The following SGCZ variants were observed in gnomAD, a reference collection of about 807,000 sequenced individuals.
SGCZ encodes zeta-sarcoglycan.
SGCZ carries 40 observed loss-of-function variants against 41.3 expected under a neutral mutation model. The ratio of observed to expected loss-of-function variants is 0.97; its 90% CI spans 0.75 to 1.26. SGCZ has a LOEUF of 1.26. SGCZ is among the 50% of genes most tolerant of loss of function. The probability of loss-of-function intolerance (pLI) is 0.00; values close to 1 mark genes in which losing one functional copy is unlikely to be tolerated. For synonymous variants in SGCZ, 206 were observed against 137.5 expected (o/e 1.50, Z -3.49); for missense variants, 552 against 369.8 (o/e 1.49, Z -4.04).
chr8:14,238,004 T>C (rs1806830282), intron 3 of SGCZ, among the ~76,000 whole-genome samples: 1 of 152,222 alleles, frequency 6.6e-6, no homozygotes, highest in Non-Finnish European at 1.5e-5. Flanking sequence ...CCTGTGCAGA[T>C]ATTCCAGACG....
chr8:14,825,512 G>C (rs957520723), intron 1 of SGCZ, among the ~76,000 whole-genome samples: 1 of 152,088 alleles, frequency 6.6e-6, no homozygotes, highest in Non-Finnish European at 1.5e-5. Context: ...AAATAATTGT[G>C]ACTTTAAATT....
At chr8:14,413,037 G>T (rs1008988091) in intron 2 of SGCZ, among the ~76,000 whole-genome samples, 13 of 151,812 alleles carry the variant, frequency 8.6e-5, no homozygotes, top group African/African-American at 2.9e-4. Context: ...AAAATTTTAA[G>T]ACAAAAATTT....
chr8:15,097,824 A>C (rs149182320), intron 1 of SGCZ, among the ~76,000 whole-genome samples: 1 of 78,446 alleles, frequency 1.3e-5, no homozygotes, highest in Non-Finnish European at 2.5e-5. Flanking sequence ...ACGTGTGTGT[A>C]TATATATATA....
At chr8:14,183,958 G>C (rs543187585) in intron 4 of SGCZ, among the ~76,000 whole-genome samples, 14 of 152,226 alleles carry the variant, frequency 9.2e-5, no homozygotes, top group Admixed American at 8.5e-4. Context: ...AATACTTATA[G>C]TTAAGAAGTG....
At chr8:14,264,593 A>G (rs1799808473) in intron 3 of SGCZ, among the ~76,000 whole-genome samples, 1 of 152,028 alleles carries the variant, frequency 6.6e-6, no homozygotes, top group Non-Finnish European at 1.5e-5. Flanking sequence ...TCTGGCGATG[A>G]TACAGAGGCA....
intron 1 of SGCZ, among the ~76,000 whole-genome samples, chr8:14,817,646 AC>A (rs1316118016): frequency 6.6e-6 from 1 of 152,180 alleles, no homozygotes; most frequent in African/African-American, 2.4e-5. Flanking sequence ...AGATGGAATT[AC>A]CAAGATCTCA....
chr8:14,721,087 T>C (rs1430020931), intron 1 of SGCZ, among the ~76,000 whole-genome samples: 1 of 152,178 alleles, frequency 6.6e-6, no homozygotes, highest in Admixed American at 6.5e-5. Flanking sequence ...TTCTTTGCAC[T>C]TCTGGGACTG....
At position 14,929,093 on chromosome 8, in the gene SGCZ, G is replaced by C. The variant is rs563580456; in HGVS notation, c.39+308492C>G. On this transcript the variant is annotated intron_variant, in intron 1 of 7. Transcript: ENST00000382080. The stretch of plus-strand genomic sequence containing the variant: ...TGCGACCTCCACCTCCCGGGTTCAA[G>C]TGATTCTCCTGCCTCAGCCTCCTGA... Among the ~76,000 whole-genome samples the C allele has an allele frequency of 8.5e-5, 13 of 152,240 alleles. 1 individual carries two copies. The highest frequency in any genetic ancestry group is 5.9e-4 in the Admixed American group (9 of 15,286).
chr8:14,622,523 G>C (rs1324069955), intron 1 of SGCZ, among the ~76,000 whole-genome samples: 2 of 152,096 alleles, frequency 1.3e-5, no homozygotes, highest in African/African-American at 4.8e-5. Context: ...ACAAGAACTA[G>C]ATGTCACCTG....
At chr8:14,433,153 G>C (rs1198260502) in intron 2 of SGCZ, among the ~76,000 whole-genome samples, 17 of 152,168 alleles carry the variant, frequency 1.1e-4, no homozygotes, top group Non-Finnish European at 2.2e-4. Context: ...ATTACAATTA[G>C]TATGCAACAA....
At chr8:15,098,833 C>T (rs529208066) in intron 1 of SGCZ, among the ~76,000 whole-genome samples, 1 of 152,216 alleles carries the variant, frequency 6.6e-6, no homozygotes, top group South Asian at 2.1e-4. Context: ...CCGATGAGGG[C>T]GGATCACCTG....
chr8:14,971,923 T>C (rs1280157641), intron 1 of SGCZ, among the ~76,000 whole-genome samples: 1 of 152,094 alleles, frequency 6.6e-6, no homozygotes, highest in East Asian at 1.9e-4. Context: ...TTTATATACT[T>C]TTGCATGCTA....
intron 5 of SGCZ, among the ~76,000 whole-genome samples, chr8:14,144,512 G>A (rs1563151718): frequency 6.6e-6 from 1 of 152,324 alleles, no homozygotes; most frequent in East Asian, 1.9e-4. Flanking sequence ...GTGAGATGTT[G>A]AGACATGGTG....
chr8:14,693,764 G>T (rs911769710), intron 1 of SGCZ, among the ~76,000 whole-genome samples: 2 of 151,466 alleles, frequency 1.3e-5, no homozygotes, highest in African/African-American at 4.9e-5. Context: ...CTAATTTTTT[G>T]TATTTTTAGT....
intron 1 of SGCZ, among the ~76,000 whole-genome samples, chr8:14,557,093 C>T (rs1042345805): frequency 6.6e-6 from 1 of 151,898 alleles, no homozygotes; most frequent in Non-Finnish European, 1.5e-5. Flanking sequence ...ACACCAATGC[C>T]TATTACTTTT....
intron 2 of SGCZ, among the ~76,000 whole-genome samples, chr8:14,535,245 G>A (rs1168850122): frequency 2.0e-5 from 3 of 151,452 alleles, no homozygotes; most frequent in Non-Finnish European, 4.4e-5. Context: ...AAAATGCACT[G>A]TTTTCTTATT....
chr8:15,194,937 T>C (rs903149460), intron 1 of SGCZ, among the ~76,000 whole-genome samples: 5 of 152,224 alleles, frequency 3.3e-5, no homozygotes, highest in Non-Finnish European at 2.9e-5. Context: ...ATTGCGAAAG[T>C]ATCTACAACT....
chr8:14,604,501 G>A (rs1191660836), intron 1 of SGCZ, among the ~76,000 whole-genome samples: 1 of 152,102 alleles, frequency 6.6e-6, no homozygotes, highest in Non-Finnish European at 1.5e-5. Context: ...CTTGGTAGAT[G>A]AGTGTCATAT....
chr8:15,234,126 T>G (rs1364696448), intron 1 of SGCZ, among the ~76,000 whole-genome samples: 4 of 152,178 alleles, frequency 2.6e-5, no homozygotes, highest in African/African-American at 7.2e-5. Flanking sequence ...AAAGCAAAAT[T>G]TAAAGTGTCA....
Sources: gnomAD v4.1 joint callset for allele counts (sites outside exome capture counted in the v4.1 genomes callset) on GRCh38, gnomAD v4.1.1 for gene constraint, MANE v1.5 for transcripts, NCBI Gene and HGNC (gene_info 2026-07-23, HGNC 2026-07-21) for gene names.